The following TGIF2 variants were observed in gnomAD, a reference collection of about 807,000 sequenced individuals.
The protein encoded by TGIF2 is homeobox protein TGIF2.
Under a neutral mutation model 15.1 loss-of-function variants are expected in TGIF2, and 5 were observed. The ratio of observed to expected loss-of-function variants is 0.33; its 90% CI spans 0.17 to 0.70. TGIF2 has a LOEUF of 0.70. Among genes scored for constraint, TGIF2 ranks in the 30% least tolerant of loss-of-function variants. TGIF2 has a pLI of 0.67. For synonymous variants in TGIF2, 131 were observed against 128.9 expected (o/e 1.02, Z -0.11); for missense variants, 264 against 302.5 (o/e 0.87, Z 0.94).
chr20:36,590,660 G>A (rs191449548), intron 2 of TGIF2, among the ~76,000 whole-genome samples: 2 of 152,268 alleles, frequency 1.3e-5, no homozygotes, highest in Non-Finnish European at 2.9e-5. Context: ...CACCTCTTGG[G>A]CTCCAGCTAT....
intron 2 of TGIF2, among the ~76,000 whole-genome samples, chr20:36,581,145 G>T (rs1236637442): frequency 6.6e-6 from 1 of 152,034 alleles, no homozygotes; most frequent in Non-Finnish European, 1.5e-5. Context: ...ACACCTACTG[G>T]TCAGTGTTTG....
At chr20:36,578,642 T>C in intron 1 of TGIF2, 99 bp from the exon 2 acceptor site, 2 of 1,334,010 alleles carry the variant, frequency 1.5e-6, no homozygotes, top group Non-Finnish European at 2.0e-6. Context: ...CTACCCCATT[T>C]CTGGTGTCCC....
At chr20:36,582,337 C>T (rs769933486) in intron 2 of TGIF2, among the ~76,000 whole-genome samples, 3 of 152,058 alleles carry the variant, frequency 2.0e-5, no homozygotes, top group Non-Finnish European at 2.9e-5. Flanking sequence ...AAACATAAAA[C>T]TGGGTATATA....
intron 1 of TGIF2, among the ~76,000 whole-genome samples, chr20:36,576,138 G>A (rs1031206338): frequency 6.6e-6 from 1 of 152,112 alleles, no homozygotes; most frequent in Non-Finnish European, 1.5e-5. Flanking sequence ...TTTGTTGCAC[G>A]TGTGAAACAG....
upstream of TGIF2, chr20:36,573,512 C>A (rs1483082865): frequency 1.3e-5 from 2 of 150,146 alleles, no homozygotes; most frequent in Non-Finnish European, 3.0e-5. Context: ...CAGCTCGTCG[C>A]GCTCCGCACA....
intron 2 of TGIF2, among the ~76,000 whole-genome samples, chr20:36,588,019 G>A (rs892789862): frequency 6.6e-6 from 1 of 151,422 alleles, no homozygotes; most frequent in Non-Finnish European, 1.5e-5. Flanking sequence ...ACAGTGAACT[G>A]TGATTCCACC....
Position 36,591,475 on chromosome 20 carries a change from G to A in TGIF2, c.*44G>A, listed in dbSNP as rs1365042920. 11 of 1,544,854 alleles carry A rather than the reference G, an allele frequency of 7.1e-6. No homozygotes were observed. The highest frequency in any genetic ancestry group is 9.6e-6 in the Non-Finnish European group (11 of 1,146,694). ...GCTGAAGGCTCCAGCCAGCTGTCCT[G>A]GGTTTCCGTTTTGGTTCCCTTTCAT... On this transcript the variant is annotated 3_prime_UTR_variant, in exon 3 of 3. Coordinates refer to ENST00000373872, the MANE Select transcript of TGIF2 (RefSeq NM_021809.7). This position sits in a 1 kb window ranked among gnomAD's most constrained non-coding sequence, Gnocchi z 5.3.
rs1415504278 is a variant in TGIF2 at position 36,593,686 on chromosome 20, A to G, written c.*2255A>G. 1 of 152,580 alleles carries G rather than the reference A, an allele frequency of 6.6e-6. No individual in the cohort carries two copies. Among genetic ancestry groups the G allele is most frequent in the African/African-American group, 2.4e-5 (1 of 41,410 alleles). The allele number at this position is 152,580 out of a possible 1,614,324, so 9.5% of individuals were successfully genotyped here. A position where few individuals can be genotyped will look rare whatever the true frequency, so the allele number is the denominator to read the frequency against. ...CTGTAGTAGGGAACTCTGGAAGTGTATTGGGCTGAGGTGGGATTTTCCCTC... is the reference window on the plus strand; with the variant it reads ...CTGTAGTAGGGAACTCTGGAAGTGTGTTGGGCTGAGGTGGGATTTTCCCTC... On this transcript the variant is annotated 3_prime_UTR_variant, in exon 3 of 3. Coordinates refer to ENST00000373872, the MANE Select transcript of TGIF2 (RefSeq NM_021809.7).
chr20:36,579,093 G>A, intron 2 of TGIF2, 127 bp downstream of exon 2: 1 of 1,313,068 alleles, frequency 7.6e-7, no homozygotes. Flanking sequence ...GTTTCTTCTT[G>A]GGTTAGGGGA....
intron 2 of TGIF2, among the ~76,000 whole-genome samples, chr20:36,580,985 G>C: frequency 6.6e-6 from 1 of 151,974 alleles, no homozygotes; most frequent in Non-Finnish European, 1.5e-5. Context: ...AAAATTGCCA[G>C]GTGTGGTGGT....
At chr20:36,580,735 G>A (rs993541850) in intron 2 of TGIF2, among the ~76,000 whole-genome samples, 3 of 147,184 alleles carry the variant, frequency 2.0e-5, no homozygotes, top group African/African-American at 7.6e-5. Flanking sequence ...GATTACTTGA[G>A]CCCTGGAGGT....
intron 1 of TGIF2, among the ~76,000 whole-genome samples, chr20:36,576,105 G>GA (rs1203146629): frequency 6.8e-6 from 1 of 147,468 alleles, no homozygotes. Context: ...AAAAAAAAAA[G>GA]AAAGAAAGAA....
chr20:36,587,438 C>A (rs1452081259), intron 2 of TGIF2, among the ~76,000 whole-genome samples: 2 of 152,038 alleles, frequency 1.3e-5, no homozygotes, highest in Non-Finnish European at 2.9e-5. Flanking sequence ...TTGCTTGACC[C>A]AGGTCACTGT....
chr20:36,574,006 A>T (rs1322711042), intron 1 of TGIF2, among the ~76,000 whole-genome samples: 1 of 151,218 alleles, frequency 6.6e-6, no homozygotes, highest in African/African-American at 2.4e-5. Context: ...TGGGGGGCCC[A>T]GCTTCATAGG....
At chr20:36,576,932 T>A (rs2038441804) in intron 1 of TGIF2, among the ~76,000 whole-genome samples, 3 of 152,202 alleles carry the variant, frequency 2.0e-5, no homozygotes, top group Admixed American at 2.0e-4. Flanking sequence ...CTTGAACTAC[T>A]GAGCTCAAGC....
intron 1 of TGIF2, 110 bp from the exon 2 acceptor site, chr20:36,578,631 A>C (rs939688407): frequency 8.1e-7 from 1 of 1,233,450 alleles, no homozygotes; most frequent in South Asian, 1.6e-5. Context: ...CTGAATTGCA[A>C]CTACCCCATT....
intron 2 of TGIF2, among the ~76,000 whole-genome samples, chr20:36,585,939 A>T (rs1470762312): frequency 6.6e-6 from 1 of 152,098 alleles, no homozygotes; most frequent in Non-Finnish European, 1.5e-5. Context: ...TTTCATATGC[A>T]GTTTCCTGAG....
At chr20:36,575,372 C>T (rs2038406354) in intron 1 of TGIF2, among the ~76,000 whole-genome samples, 1 of 151,726 alleles carries the variant, frequency 6.6e-6, no homozygotes, top group East Asian at 1.9e-4. Context: ...GGGGTCATTC[C>T]CCAGGGCCCA....
rs550646664 is a variant in TGIF2, at chr20:36,591,086, T to C, written c.369T>C (p.Asn123=). ...VLAVSVPAPT[N]VLSLSVCSMP... ...CTGTGTCTGTCCCAGCCCCCACCAATGTGCTCTCCCTGTCTGTGTGCTCCA... is the reference window on the plus strand; with the variant it reads ...CTGTGTCTGTCCCAGCCCCCACCAACGTGCTCTCCCTGTCTGTGTGCTCCA... The change falls in exon 3 of 3, where the codon AAT becomes AAC. Residue 123 remains asparagine (N), a synonymous_variant. Coordinates refer to ENST00000373872, the MANE Select transcript of TGIF2 (RefSeq NM_021809.7). The surrounding 1 kb of genome is among the most constrained non-coding windows in gnomAD (Gnocchi z 5.3). The C allele has an allele frequency of 1.1e-5, 17 of 1,597,888 alleles. No individual in the cohort carries two copies. The highest frequency in any genetic ancestry group is 1.7e-4 in the Middle Eastern group (1 of 6,004).
Sources: allele counts gnomAD v4.1 joint callset (sites outside exome capture counted in the v4.1 genomes callset), GRCh38; gene constraint gnomAD v4.1.1; non-coding constraint Gnocchi (gnomAD v3.1); transcripts MANE v1.5; gene names NCBI Gene and HGNC (gene_info 2026-07-23, HGNC 2026-07-21).